Variants in PLB1 observed in about 807,000 individuals in gnomAD.
PLB1 encodes the protein phospholipase B1, also known as phospholipase B1, membrane-associated.
Under a neutral mutation model 227.4 loss-of-function variants are expected in PLB1, and 242 were observed. That is an observed-to-expected ratio of 1.06 (90% confidence interval 0.96 to 1.18). PLB1 has a LOEUF of 1.18. Among genes scored for constraint, PLB1 ranks in the 50% most tolerant of loss-of-function variants. The pLI, the probability that PLB1 is intolerant of heterozygous loss-of-function variation, is 0.00. For missense variants in PLB1, 1,858 were observed against 1,816.3 expected (o/e 1.02, Z -0.42); for synonymous variants, 757 against 682.2 (o/e 1.11, Z -1.71).
chr2:28,571,723 A>G (rs1296199630), intron 20 of PLB1, among the ~76,000 whole-genome samples: 1 of 152,190 alleles, frequency 6.6e-6, no homozygotes, highest in Non-Finnish European at 1.5e-5. Context: ...CTGTGCTGAG[A>G]CAACTAGATA....
At chr2:28,510,550 A>ATC (rs772970675) in intron 1 of PLB1, among the ~76,000 whole-genome samples, 135 of 151,322 alleles carry the variant, frequency 8.9e-4, no homozygotes, top group Non-Finnish European at 1.6e-3. Context: ...TAAATAAAAT[A>ATC]TCTATGTTTC....
At chr2:28,600,752 G>A in intron 35 of PLB1, 57 bp from the exon 36 acceptor site, 3 of 1,560,788 alleles carry the variant, frequency 1.9e-6, no homozygotes, top group East Asian at 2.2e-5. Flanking sequence ...GGCCCTCTAG[G>A]AGGAAAACTA....
At chr2:28,601,358 CT>C in intron 37 of PLB1, 26 bp downstream of exon 37, 1 of 1,598,994 alleles carries the variant, frequency 6.3e-7, no homozygotes, top group Non-Finnish European at 8.6e-7. Flanking sequence ...TCCAGGCCTA[CT>C]TGTTGTTCCT....
At chr2:28,537,801 C>A (rs1364425128) in intron 9 of PLB1, among the ~76,000 whole-genome samples, 1 of 151,840 alleles carries the variant, frequency 6.6e-6, no homozygotes, top group Admixed American at 6.6e-5. Context: ...GTGGCAGGAC[C>A]CACTCATACT....
intron 4 of PLB1, among the ~76,000 whole-genome samples, chr2:28,522,250 G>GT (rs1313243493): frequency 4.6e-5 from 7 of 151,976 alleles, no homozygotes; most frequent in Non-Finnish European, 7.4e-5. Flanking sequence ...AGAAAGAAGG[G>GT]TGAGGAGATG....
At position 28,505,084 on chromosome 2, in the gene PLB1, C is replaced by A. The variant is rs556592184; in HGVS notation, c.55+8915C>A. 1.3e-4 allele frequency among the ~76,000 whole-genome samples: 20 copies of A among 152,256 alleles called. No individual in the cohort carries two copies. The South Asian group carries it at 3.3e-3, about 25-fold the overall frequency. ...TGTGAGGCTCCCTAGAAAAACCAGG[C>A]TCTATGATAAGCACAGTTCATGTAT... On this transcript the variant is annotated intron_variant, in intron 1 of 57. Transcript: ENST00000327757.
At position 28,524,844 on chromosome 2, in the gene PLB1, CTTTTTTTTTTT is replaced by C. The variant is rs779955635; in HGVS notation, c.244-412_244-402del. Reference sequence around the variant, plus strand: ...CTCTGTAGGTTCTCTCTCTCTCTCTCTTTTTTTTTTTTTTTTTTTTTGAGACAGTGTCTCAT... The same window carrying C: ...CTCTGTAGGTTCTCTCTCTCTCTCTCTTTTTTTTTTGAGACAGTGTCTCAT... On this transcript the variant is annotated intron_variant, in intron 4 of 57. Coordinates refer to ENST00000327757, the MANE Select transcript of PLB1 (RefSeq NM_153021.5). Among the ~76,000 whole-genome samples the C allele has an allele frequency of 4.7e-5, 5 of 106,580 alleles. No individual in the cohort carries two copies. In the South Asian group the frequency reaches 9.7e-4, roughly 21 times the overall value. The allele number at this position is 106,580 out of a possible 152,430, so 69.9% of individuals were successfully genotyped here. A position where few individuals can be genotyped will look rare whatever the true frequency, so the allele number is the denominator to read the frequency against.
Position 28,579,716 on chromosome 2 carries a change from C to T in PLB1, c.1566+9C>T. ...ATTTCTGCAATGATCTGGTAGGTCTCCAGGCACTTTACTCAAGACTCACCC... is the reference window on the plus strand; with the variant it reads ...ATTTCTGCAATGATCTGGTAGGTCTTCAGGCACTTTACTCAAGACTCACCC... On this transcript the variant is annotated intron_variant, in intron 23 of 57. Transcript: ENST00000327757. 1 of 1,608,398 alleles carries T rather than the reference C, an allele frequency of 6.2e-7. No individual in the cohort carries two copies. The highest frequency in any genetic ancestry group is 1.7e-5 in the Admixed American group (1 of 59,980).
At chr2:28,634,569 T>A (rs947873166) in intron 56 of PLB1, among the ~76,000 whole-genome samples, 3 of 152,188 alleles carry the variant, frequency 2.0e-5, no homozygotes, top group African/African-American at 7.2e-5. Context: ...TAGTGACGGC[T>A]GGAACATGAA....
At chr2:28,627,313 T>G (rs1271626909) in intron 51 of PLB1, among the ~76,000 whole-genome samples, 3 of 141,316 alleles carry the variant, frequency 2.1e-5, no homozygotes, top group Non-Finnish European at 4.6e-5. Flanking sequence ...TCATGGGGAT[T>G]TAAGTATTGC....
intron 30 of PLB1, 33 bp downstream of exon 30, chr2:28,591,204 GGCAAT>G (rs1307721837): frequency 6.2e-7 from 1 of 1,613,410 alleles, no homozygotes; most frequent in Non-Finnish European, 8.5e-7. Flanking sequence ...TGACTCACCA[GGCAAT>G]GCAATGGGCA....
chr2:28,604,629 T>C (rs755102160), intron 40 of PLB1, 26 bp from the exon 41 acceptor site: 88 of 1,607,478 alleles, frequency 5.5e-5, no homozygotes, highest in East Asian at 6.7e-5. Flanking sequence ...GGGCCTGGGC[T>C]GAAGACCCTG....
intron 43 of PLB1, 44 bp downstream of exon 43, chr2:28,606,611 C>A: frequency 1.3e-6 from 2 of 1,565,782 alleles, no homozygotes; most frequent in Non-Finnish European, 1.8e-6. Flanking sequence ...CAAACCAGGG[C>A]ACACAGCTCG....
chr2:28,503,922 A>G (rs952018941), intron 1 of PLB1, among the ~76,000 whole-genome samples: 3 of 152,240 alleles, frequency 2.0e-5, no homozygotes, highest in Non-Finnish European at 4.4e-5. Context: ...GCAAAAGGGC[A>G]TACAGGATGA....
chr2:28,610,138 C>T (rs772688760), intron 43 of PLB1, among the ~76,000 whole-genome samples: 6 of 152,142 alleles, frequency 3.9e-5, no homozygotes, highest in Middle Eastern at 3.4e-3. Context: ...GATACATGTG[C>T]AGAAGGTGCA....
chr2:28,595,302 A>G (rs1056641951), intron 33 of PLB1: 9 of 152,144 alleles, frequency 5.9e-5, no homozygotes, highest in African/African-American at 2.2e-4. Flanking sequence ...TTTGTCCTAA[A>G]TGTTTCAAAT....
At chr2:28,502,256 G>T (rs1177125063) in intron 1 of PLB1, among the ~76,000 whole-genome samples, 1 of 152,048 alleles carries the variant, frequency 6.6e-6, no homozygotes, top group African/African-American at 2.4e-5. Context: ...TATTTTTAAG[G>T]ACCATGTGGT....
At chr2:28,614,771 G>T (rs1486185099) in intron 44 of PLB1, among the ~76,000 whole-genome samples, 1 of 152,166 alleles carries the variant, frequency 6.6e-6, no homozygotes, top group Non-Finnish European at 1.5e-5. Flanking sequence ...CATGTTAGGG[G>T]CTAGAAGGCA....
intron 4 of PLB1, 55 bp downstream of exon 4, chr2:28,519,818 C>T (rs1669279660): frequency 7.1e-7 from 1 of 1,410,010 alleles, no homozygotes; most frequent in Admixed American, 1.7e-5. Context: ...TGATGATCCT[C>T]TGAATGGGCT....
Sources: gnomAD v4.1 joint callset for allele counts (sites outside exome capture counted in the v4.1 genomes callset) on GRCh38, gnomAD v4.1.1 for gene constraint, MANE v1.5 for transcripts, NCBI Gene and HGNC (gene_info 2026-07-23, HGNC 2026-07-21) for gene names.